Variants in CDC37L1 observed in about 807,000 individuals in gnomAD.
CDC37L1 encodes the protein hsp90 co-chaperone Cdc37-like 1.
In CDC37L1, 32 loss-of-function variants were observed where a neutral mutation model predicts 45.9. That is an observed-to-expected ratio of 0.70 (90% CI 0.53 to 0.94). The LOEUF (loss-of-function observed/expected upper bound fraction) is 0.94. CDC37L1 is among the 40% of genes least tolerant of loss of function. The pLI, the probability that CDC37L1 is intolerant of heterozygous loss-of-function variation, is 0.00. For synonymous variants in CDC37L1, 150 were observed against 133.0 expected, an observed-to-expected ratio of 1.13 and a Z score of -0.88; for missense variants, 434 against 405.7, an observed-to-expected ratio of 1.07 and a Z score of -0.60.
At chr9:4,690,214 T>C (rs146100158) in intron 3 of CDC37L1, among the ~76,000 whole-genome samples, 182 of 152,216 alleles carry the variant, frequency 1.2e-3, no homozygotes, top group African/African-American at 4.3e-3. Context: ...CAAAAAATAG[T>C]GTGGTATGGT....
chr9:4,695,483 G>GT (rs1300771460), intron 3 of CDC37L1, among the ~76,000 whole-genome samples: 2 of 152,138 alleles, frequency 1.3e-5, no homozygotes, highest in African/African-American at 2.4e-5. Flanking sequence ...AAATGCTACA[G>GT]TCTTTATCCT....
chr9:4,690,247 A>G (rs1587618149), intron 3 of CDC37L1, among the ~76,000 whole-genome samples: 1 of 152,224 alleles, frequency 6.6e-6, no homozygotes, highest in South Asian at 2.1e-4. Flanking sequence ...TAGTAAGACT[A>G]CAGATGTATT....
chr9:4,685,289 G>A, intron 2 of CDC37L1, 131 bp downstream of exon 2: 2 of 750,072 alleles, frequency 2.7e-6, no homozygotes, highest in Non-Finnish European at 4.4e-6. Context: ...TATGAAAGGT[G>A]CTTGAAAAGT....
At chr9:4,703,214 A>G in intron 6 of CDC37L1, 1 of 1,191,166 alleles carries the variant, frequency 8.4e-7, no homozygotes, top group Non-Finnish European at 1.1e-6. Flanking sequence ...AAGTGCTAAA[A>G]ATTGGGATTT....
intron 3 of CDC37L1, among the ~76,000 whole-genome samples, chr9:4,689,880 G>C (rs1172422753): frequency 6.6e-6 from 1 of 152,202 alleles, no homozygotes; most frequent in Non-Finnish European, 1.5e-5. Flanking sequence ...CTCTTTCAGA[G>C]CATGTACTGC....
Position 4,701,866 on chromosome 9 carries a change from A to G in CDC37L1, c.750A>G (p.Ala250=), listed in dbSNP as rs1387352643. 3 of 1,592,518 alleles carry G rather than the reference A, an allele frequency of 1.9e-6. No individual in the cohort carries two copies. Among genetic ancestry groups the G allele is most frequent in the Non-Finnish European group, 2.6e-6 (3 of 1,172,088 alleles). ...GTTTTTTTTTTTGTTTTTTCTAGGC[A>G]GAGGAAGAAGGTTATTTTGAAGCAT... The part of the protein sequence containing the change: ...CFRLFFQKAK[A]EEEGYFEAFK... The change falls in exon 6 of 7, where the codon GCA becomes GCG. Residue 250 remains alanine (A), a splice_region_variant and synonymous_variant. Coordinates refer to ENST00000381854, the MANE Select transcript of CDC37L1 (RefSeq NM_017913.4).
chr9:4,698,011 G>T (rs1841363727), intron 5 of CDC37L1, 132 bp downstream of exon 5: 2 of 786,764 alleles, frequency 2.5e-6, no homozygotes, highest in Middle Eastern at 3.6e-4. Flanking sequence ...CTTGTGAAAA[G>T]AAAATTTATA....
In CDC37L1 at chr9:4,701,995, T is replaced by G. The variant is rs774274690; in HGVS notation, c.879T>G (p.Val293=). The G allele has an allele frequency of 2.6e-6, 4 of 1,532,782 alleles. No individual in the cohort carries two copies. In the South Asian group the frequency reaches 5.1e-5, roughly 19 times the overall value. 94.9% of individuals were successfully genotyped at this position (1,532,782 alleles called of 1,614,324 possible). A position where few individuals can be genotyped will look rare whatever the true frequency, so the allele number is the denominator to read the frequency against. ...TVQNHVPHSG[V]GSIGLLESLP... ...AGAATCATGTTCCCCATTCTGGTGT[T>G]GGATCTATAGGTTTATTAGAATCCT... The change falls in exon 6 of 7, where the codon GTT becomes GTG. Residue 293 remains valine (V), a synonymous_variant. Coordinates refer to ENST00000381854, the MANE Select transcript of CDC37L1 (RefSeq NM_017913.4).
chr9:4,690,433 G>A (rs1219020668), intron 3 of CDC37L1, among the ~76,000 whole-genome samples: 1 of 152,048 alleles, frequency 6.6e-6, no homozygotes, highest in Admixed American at 6.6e-5. Context: ...GGTGTTTTTC[G>A]CTACTAGTAA....
intron 1 of CDC37L1, among the ~76,000 whole-genome samples, chr9:4,682,073 A>T (rs1246348443): frequency 6.6e-6 from 1 of 152,158 alleles, no homozygotes; most frequent in Non-Finnish European, 1.5e-5. Context: ...TGAGAAAAGA[A>T]TATTTGCTCC....
At chr9:4,680,424 G>T (rs1286755652) in intron 1 of CDC37L1, among the ~76,000 whole-genome samples, 1 of 152,130 alleles carries the variant, frequency 6.6e-6, no homozygotes, top group Non-Finnish European at 1.5e-5. Context: ...TTTGACGCTG[G>T]CGTACACCTC....
chr9:4,695,882 C>T (rs548585297), intron 3 of CDC37L1, among the ~76,000 whole-genome samples: 64 of 152,286 alleles, frequency 4.2e-4, no homozygotes, highest in African/African-American at 1.5e-3. Flanking sequence ...CCTCCGCCTC[C>T]TGGGTTCAAG....
chr9:4,703,176 A>C, intron 6 of CDC37L1: 5 of 1,438,268 alleles, frequency 3.5e-6, no homozygotes, highest in Non-Finnish European at 3.7e-6. Flanking sequence ...ATGTGAGGAG[A>C]GTCCTATATT....
Position 4,701,919 on chromosome 9 carries a change from C to A in CDC37L1, c.803C>A (p.Ser268Ter). 6.2e-7 allele frequency: 1 copy of A among 1,603,574 alleles called. No individual in the cohort carries two copies. Among genetic ancestry groups the A allele is most frequent in the South Asian group, 1.1e-5 (1 of 89,398 alleles). Residue 268 changes from serine to a stop codon, truncating the protein, a stop_gained, in exon 6 of 7, where the codon TCA becomes TAA. Coordinates refer to ENST00000381854, the MANE Select transcript of CDC37L1 (RefSeq NM_017913.4). LOFTEE classifies it high-confidence loss of function. ...AAAAATGAACTTGAAGCTTTCAAGT[C>A]AAGAGTAAGACTTTATTCTCAATCA... ...AFKNELEAFKSRVRLYSQSQS... is the reference protein window; with the variant it reads ...AFKNELEAFK
At chr9:4,702,488 T>C (rs556964446) in intron 6 of CDC37L1, among the ~76,000 whole-genome samples, 88 of 152,328 alleles carry the variant, frequency 5.8e-4, no homozygotes, top group African/African-American at 1.9e-3. Flanking sequence ...CTACCAGATA[T>C]AACATTTTTA....
At chr9:4,686,316 T>A in intron 2 of CDC37L1, among the ~76,000 whole-genome samples, 1 of 152,234 alleles carries the variant, frequency 6.6e-6, no homozygotes, top group East Asian at 1.9e-4. Context: ...ATCAGTACTT[T>A]AACAGTGAGT....
chr9:4,682,988 T>C lies in CDC37L1; in HGVS notation c.133-1889T>C, dbSNP rs1388466278. On this transcript the variant is annotated intron_variant, in intron 1 of 6. Transcript: ENST00000381854. ...AAATATTATATTTTATATTAAAATATTTTATATTAAAATATAATATATATA... is the reference window on the plus strand; with the variant it reads ...AAATATTATATTTTATATTAAAATACTTTATATTAAAATATAATATATATA... 4.1e-5 allele frequency among the ~76,000 whole-genome samples: 6 copies of C among 144,652 alleles called. No homozygotes were observed. In the East Asian group the frequency reaches 1.2e-3, roughly 28 times the overall value. The allele number at this position is 144,652 out of a possible 152,430, so 94.9% of individuals were successfully genotyped here. A position where few individuals can be genotyped will look rare whatever the true frequency, so the allele number is the denominator to read the frequency against.
chr9:4,700,334 G>T (rs928987795), intron 5 of CDC37L1, among the ~76,000 whole-genome samples: 8 of 152,100 alleles, frequency 5.3e-5, no homozygotes, highest in African/African-American at 1.7e-4. Context: ...TTTTTGTAGA[G>T]ACACGGTCTC....
intron 3 of CDC37L1, among the ~76,000 whole-genome samples, chr9:4,690,438 T>C (rs1841289794): frequency 6.6e-6 from 1 of 152,174 alleles, no homozygotes; most frequent in Admixed American, 6.6e-5. Context: ...TTTTCGCTAC[T>C]AGTAAATTAG....
Sources: allele counts gnomAD v4.1 joint callset (sites outside exome capture counted in the v4.1 genomes callset), GRCh38; gene constraint gnomAD v4.1.1; transcripts MANE v1.5; gene names NCBI Gene and HGNC (gene_info 2026-07-23, HGNC 2026-07-21).